CORO2B: variants seen among roughly 807,000 people sequenced by gnomAD.
CORO2B encodes the protein coronin 2B, also known as coronin-2B.
CORO2B carries 26 observed loss-of-function variants against 58.8 expected under a neutral mutation model. The ratio of observed to expected loss-of-function variants is 0.44; its 90% CI spans 0.32 to 0.61. The LOEUF is 0.61. CORO2B is among the 20% of genes least tolerant of loss of function. The pLI is 0.04. For synonymous variants in CORO2B, 242 were observed against 253.8 expected, an observed-to-expected ratio of 0.95 and a Z score of 0.44; for missense variants, 460 against 645.1, an observed-to-expected ratio of 0.71 and a Z score of 3.11.
At position 68,726,112 on chromosome 15, in the gene CORO2B, G is replaced by A. The variant is rs555021953; in HGVS notation, c.*138G>A. ...CCTGAGGACCCCCGCCTACCACCTC[G>A]AGAACTGGAAGCCAACCTCTAACCT... On this transcript the variant is annotated 3_prime_UTR_variant, in exon 12 of 12. Transcript: ENST00000261861. 98 of 1,159,920 alleles carry A rather than the reference G, an allele frequency of 8.4e-5. No homozygotes were observed. The South Asian group carries it at 1.2e-3, about 14-fold the overall frequency. 71.9% of individuals were successfully genotyped at this position (1,159,920 alleles called of 1,614,324 possible). A position where few individuals can be genotyped will look rare whatever the true frequency, so the allele number is the denominator to read the frequency against.
chr15:68,701,374 C>G (rs1455465339), intron 3 of CORO2B, among the ~76,000 whole-genome samples: 1 of 151,552 alleles, frequency 6.6e-6, no homozygotes, highest in Non-Finnish European at 1.5e-5. Context: ...TGCAGTGGCG[C>G]GATCTCCGCT....
At chr15:68,641,016 G>A (rs1281258187) in intron 1 of CORO2B, among the ~76,000 whole-genome samples, 1 of 152,126 alleles carries the variant, frequency 6.6e-6, no homozygotes, top group Non-Finnish European at 1.5e-5. Context: ...GGGTTGTGGA[G>A]CCATCGATCA....
intron 1 of CORO2B, among the ~76,000 whole-genome samples, chr15:68,626,948 A>G (rs1359959981): frequency 1.3e-5 from 2 of 152,144 alleles, no homozygotes; most frequent in African/African-American, 4.8e-5. Context: ...TCAATGGCCA[A>G]TGAGAGTGCA....
chr15:68,534,519 A>G, the CORO2B span, among the ~76,000 whole-genome samples: 11 of 152,210 alleles, frequency 7.2e-5, no homozygotes, highest in African/African-American at 2.7e-4. Flanking sequence ...TTAGGAATTT[A>G]TTTGCCAAAT....
At chr15:68,536,334 G>T in the CORO2B span, among the ~76,000 whole-genome samples, 1 of 152,196 alleles carries the variant, frequency 6.6e-6, no homozygotes, top group African/African-American at 2.4e-5. Context: ...CATGTGACTT[G>T]CAAAGGTTGG....
intron 5 of CORO2B, among the ~76,000 whole-genome samples, chr15:68,712,110 G>A (rs1282984161): frequency 6.6e-6 from 1 of 152,182 alleles, no homozygotes; most frequent in African/African-American, 2.4e-5. Flanking sequence ...AGGGTGCCAA[G>A]GCTGATGGTG....
intron 1 of CORO2B, among the ~76,000 whole-genome samples, chr15:68,638,567 A>G (rs1381764297): frequency 6.6e-6 from 1 of 152,138 alleles, no homozygotes; most frequent in Non-Finnish European, 1.5e-5. Context: ...ACTTTTGTGT[A>G]GGGCCCTGTA....
chr15:68,523,703 C>G, the CORO2B span, among the ~76,000 whole-genome samples: 1 of 152,186 alleles, frequency 6.6e-6, no homozygotes. Context: ...CTAGAACTGT[C>G]CTTTTTTGTT....
chr15:68,626,982 G>A (rs1123931), intron 1 of CORO2B, among the ~76,000 whole-genome samples: 35,613 of 152,108 alleles, frequency 0.23, 5,214 homozygotes, highest in Non-Finnish European at 0.33. Flanking sequence ...AGCACAGGAT[G>A]TGTAGCAAGA....
At chr15:68,595,341 A>G (rs963036219) in intron 1 of CORO2B, among the ~76,000 whole-genome samples, 1 of 152,246 alleles carries the variant, frequency 6.6e-6, no homozygotes, top group African/African-American at 2.4e-5. Context: ...GAAGGGGGAC[A>G]TGGATGTCCA....
At chr15:68,587,790 A>G (rs1211256314) in intron 1 of CORO2B, among the ~76,000 whole-genome samples, 1 of 152,248 alleles carries the variant, frequency 6.6e-6, no homozygotes, top group Non-Finnish European at 1.5e-5. Flanking sequence ...ATGGAGGTCC[A>G]GGGAAGGAAG....
upstream of CORO2B, among the ~76,000 whole-genome samples, chr15:68,578,460 G>A (rs1442223818): frequency 1.3e-5 from 2 of 152,172 alleles, no homozygotes; most frequent in Non-Finnish European, 1.5e-5. The surrounding 1 kb of genome is among the most constrained non-coding windows in gnomAD (Gnocchi z 4.2). Flanking sequence ...AGATTCGAAA[G>A]AGTGCTTACA....
the CORO2B span, among the ~76,000 whole-genome samples, chr15:68,562,171 C>T: frequency 3.3e-5 from 5 of 152,168 alleles, no homozygotes; most frequent in African/African-American, 9.7e-5. Flanking sequence ...TGGTGAGTCC[C>T]CAGGACTACA....
In CORO2B at chr15:68,727,057, G is replaced by A. The variant is rs1893321125; in HGVS notation, c.*1083G>A. 1 of 152,814 alleles carries A rather than the reference G, an allele frequency of 6.5e-6. No homozygotes were observed. The highest frequency in any genetic ancestry group is 2.4e-5 in the African/African-American group (1 of 41,570). The allele number at this position is 152,814 out of a possible 1,614,324, so 9.5% of individuals were successfully genotyped here. A position where few individuals can be genotyped will look rare whatever the true frequency, so the allele number is the denominator to read the frequency against. ...CCTCGTCCTCCTGGAAGCTGAGGCT[G>A]AGAAGGGTGGAGCTTGGCCCTGGGG... On this transcript the variant is annotated 3_prime_UTR_variant, in exon 12 of 12. Transcript: ENST00000261861.
In CORO2B at chr15:68,632,152, T is replaced by C. The variant is rs187718500; in HGVS notation, c.16-13008T>C. Reference sequence around the variant, plus strand: ...TGCAGCGGGGTCTCTGGGATGGTGATGTGAGTGCCTCCTGCACCCGTGGCC... The same window carrying C: ...TGCAGCGGGGTCTCTGGGATGGTGACGTGAGTGCCTCCTGCACCCGTGGCC... On this transcript the variant is annotated intron_variant, in intron 1 of 11. Coordinates refer to ENST00000261861, the MANE Select transcript of CORO2B (RefSeq NM_006091.5). 136 of 985,578 alleles carry C rather than the reference T, an allele frequency of 1.4e-4. 1 individual carries two copies. The African/African-American group carries it at 2.3e-3, about 17-fold the overall frequency. 61.1% of individuals were successfully genotyped at this position (985,578 alleles called of 1,614,324 possible). A position where few individuals can be genotyped will look rare whatever the true frequency, so the allele number is the denominator to read the frequency against.
chr15:68,653,200 C>T (rs1345034458), intron 2 of CORO2B, among the ~76,000 whole-genome samples: 1 of 152,058 alleles, frequency 6.6e-6, no homozygotes, highest in African/African-American at 2.4e-5. Context: ...GCAAAATTGG[C>T]CCACCGACCC....
chr15:68,645,611 C>T lies in CORO2B; in HGVS notation c.216+251C>T, dbSNP rs766999387. 1.4e-4 allele frequency among the ~76,000 whole-genome samples: 22 copies of T among 152,146 alleles called. No homozygotes were observed. Among genetic ancestry groups the T allele is most frequent in the Admixed American group, 1.4e-3 (22 of 15,276 alleles). The stretch of plus-strand genomic sequence containing the variant: ...AGGTATGCACTTGGACAAGCCACTC[C>T]CTTGGTGTACACAAGGTTCCATTCC... On this transcript the variant is annotated intron_variant, in intron 2 of 11. Transcript: ENST00000261861. The surrounding 1 kb of genome is among the most constrained non-coding windows in gnomAD (Gnocchi z 4.5).
chr15:68,537,594 C>T, the CORO2B span, among the ~76,000 whole-genome samples: 2 of 152,108 alleles, frequency 1.3e-5, no homozygotes, highest in Non-Finnish European at 2.9e-5. Flanking sequence ...AACCCGTCAC[C>T]TAGGTATTAA....
chr15:68,567,797 G>A, the CORO2B span, among the ~76,000 whole-genome samples: 1 of 152,196 alleles, frequency 6.6e-6, no homozygotes, highest in Admixed American at 6.5e-5. Context: ...CAAGGCAGGT[G>A]GATCACGAGG....
Sources: gnomAD v4.1 joint callset for allele counts (sites outside exome capture counted in the v4.1 genomes callset) on GRCh38, gnomAD v4.1.1 for gene constraint, Gnocchi (gnomAD v3.1) non-coding constraint, MANE v1.5 for transcripts, NCBI Gene and HGNC (gene_info 2026-07-23, HGNC 2026-07-21) for gene names.